The following KRTDAP variants were observed in gnomAD, a reference collection of about 807,000 sequenced individuals.
The protein encoded by KRTDAP is keratinocyte differentiation associated protein.
A neutral mutation model predicts 18.6 loss-of-function variants in KRTDAP; 14 were observed. The observed-to-expected ratio is 0.75, with a 90% CI of 0.50 to 1.18. The LOEUF (loss-of-function observed/expected upper bound fraction) is 1.18. Among genes scored for constraint, KRTDAP ranks in the 50% most tolerant of loss-of-function variants. The pLI, the probability that KRTDAP is intolerant of heterozygous loss-of-function variation, is 0.00. For missense variants in KRTDAP, 114 were observed against 121.3 expected (o/e 0.94, Z 0.28); for synonymous variants, 53 against 49.5 (o/e 1.07, Z -0.29).
At chr19:35,487,641 C>T in intron 5 of KRTDAP, 71 bp downstream of exon 5, 2 of 1,356,804 alleles carry the variant, frequency 1.5e-6, no homozygotes, top group Non-Finnish European at 2.1e-6. Context: ...TGTCCCCACT[C>T]TCTCTCCCAT....
intron 3 of KRTDAP, 27 bp downstream of exon 3, chr19:35,488,635 G>A (rs1392533193): frequency 6.2e-7 from 1 of 1,614,052 alleles, no homozygotes. Flanking sequence ...GGTATTCGTG[G>A]GGGTAGCACC....
At chr19:35,487,689 C>T in intron 5 of KRTDAP, 23 bp downstream of exon 5, 1 of 1,602,788 alleles carries the variant, frequency 6.2e-7, no homozygotes, top group Non-Finnish European at 8.5e-7. Flanking sequence ...GCTCCATACC[C>T]TCCTAATGCC....
Position 35,487,420 on chromosome 19 carries a change from G to A in KRTDAP, c.*8C>T. 1 of 1,613,462 alleles carries A rather than the reference G, an allele frequency of 6.2e-7. No homozygotes were observed. The highest frequency in any genetic ancestry group is 8.5e-7 in the Non-Finnish European group (1 of 1,179,344). ...CACGCTAGCCCCCTCTTCCAGTGGA[G>A]GTCATGGTCACTGGGCATCAGGAGT... is the stretch of plus-strand genomic sequence containing the variant. On this transcript the variant is annotated 3_prime_UTR_variant, in exon 6 of 6. Transcript: ENST00000338897.
At chr19:35,487,599 C>T in intron 5 of KRTDAP, 113 bp downstream of exon 5, 4 of 1,165,442 alleles carry the variant, frequency 3.4e-6, no homozygotes, top group Non-Finnish European at 5.1e-6. Context: ...GACCTCCCTT[C>T]AGTTTGGTGA....
chr19:35,487,905 CT>C, intron 4 of KRTDAP, 146 bp from the exon 5 acceptor site: 1 of 648,532 alleles, frequency 1.5e-6, no homozygotes, highest in South Asian at 1.8e-5. Context: ...CTAATATTTC[CT>C]GAGGCCTTAG....
intron 5 of KRTDAP, 106 bp downstream of exon 5, chr19:35,487,606 G>T: frequency 8.5e-7 from 1 of 1,183,254 alleles, no homozygotes. Context: ...CTTCAGTTTG[G>T]TGAGAAGGCT....
chr19:35,490,281 A>C, intron 1 of KRTDAP, 75 bp downstream of exon 1: 1 of 884,278 alleles, frequency 1.1e-6, no homozygotes, highest in Non-Finnish European at 1.7e-6. Flanking sequence ...TTATCCAGGA[A>C]TGGACAGGAG....
At chr19:35,488,371 A>G in intron 4 of KRTDAP, 70 bp downstream of exon 4, 1 of 1,517,790 alleles carries the variant, frequency 6.6e-7, no homozygotes. Context: ...ATTTAAAGCC[A>G]AAATGTGTGG....
chr19:35,487,419 A>G lies in KRTDAP; in HGVS notation c.*9T>C. ...TCACGCTAGCCCCCTCTTCCAGTGG[A>G]GGTCATGGTCACTGGGCATCAGGAG... On this transcript the variant is annotated 3_prime_UTR_variant, in exon 6 of 6. Transcript: ENST00000338897. The G allele has an allele frequency of 6.2e-7, 1 of 1,613,290 alleles. No homozygotes were observed.
chr19:35,490,127 G>A (rs554390948), intron 1 of KRTDAP, among the ~76,000 whole-genome samples: 11 of 152,232 alleles, frequency 7.2e-5, no homozygotes, highest in East Asian at 5.8e-4. Flanking sequence ...CAGTACACGA[G>A]CCTCCCCAAC....
At chr19:35,488,522 C>G in intron 3 of KRTDAP, 37 bp from the exon 4 acceptor site, 1 of 1,612,182 alleles carries the variant, frequency 6.2e-7, no homozygotes, top group Non-Finnish European at 8.5e-7. Flanking sequence ...CAGGTCAGCT[C>G]CAGGGGAGGC....
At chr19:35,488,350 C>T (rs369502595) in intron 4 of KRTDAP, 91 bp downstream of exon 4, 21 of 1,326,586 alleles carry the variant, frequency 1.6e-5, no homozygotes, top group Non-Finnish European at 2.2e-5. Context: ...AGATCAGGAA[C>T]CAACCCATAC....
intron 1 of KRTDAP, among the ~76,000 whole-genome samples, chr19:35,489,382 G>A (rs182177302): frequency 1.5e-4 from 23 of 152,330 alleles, no homozygotes; most frequent in African/African-American, 5.5e-4. Context: ...GCCCAACACG[G>A]AGCCCGCAGG....
intron 1 of KRTDAP, 92 bp downstream of exon 1, chr19:35,490,264 G>C: frequency 1.3e-6 from 1 of 761,656 alleles, no homozygotes; most frequent in East Asian, 2.6e-5. Context: ...CCAAAACTAA[G>C]AGCCACTTAT....
At position 35,490,398 on chromosome 19, in the gene KRTDAP, C is replaced by A; in HGVS notation, c.45G>T (p.Leu15=). The A allele has an allele frequency of 6.2e-7, 1 of 1,613,702 alleles. No individual in the cohort carries two copies. Among genetic ancestry groups the A allele is most frequent in the East Asian group, 2.2e-5 (1 of 44,868 alleles). ...TGGCTCCCTGGGCAGAGTGGAGCACCAGGAGGGAGAGGAGCACCACGGCAG... is the reference window on the plus strand; with the variant it reads ...TGGCTCCCTGGGCAGAGTGGAGCACAAGGAGGGAGAGGAGCACCACGGCAG... ...VLPAVVLLSL[L]VLHSAQGATL... The change falls in exon 1 of 6, where the codon CTG becomes CTT. Residue 15 remains leucine (L), a synonymous_variant. Coordinates refer to ENST00000338897, the MANE Select transcript of KRTDAP (RefSeq NM_207392.3).
Position 35,487,693 on chromosome 19 carries a change from TA to T in KRTDAP, c.261+18del, listed in dbSNP as rs2067498919. 1 of 1,606,134 alleles carries T rather than the reference TA, an allele frequency of 6.2e-7. No individual in the cohort carries two copies. Among genetic ancestry groups the T allele is most frequent in the Non-Finnish European group, 8.5e-7 (1 of 1,172,792 alleles). ...CTTACCCCCAAGCTCCATACCCTCCTAATGCCCACACCTCTTACCTTAGGAA... is the reference window on the plus strand; with the variant it reads ...CTTACCCCCAAGCTCCATACCCTCCTATGCCCACACCTCTTACCTTAGGAA... On this transcript the variant is annotated intron_variant, in intron 5 of 5. Coordinates refer to ENST00000338897, the MANE Select transcript of KRTDAP (RefSeq NM_207392.3).
In KRTDAP at chr19:35,488,647, G is replaced by A. The variant is rs752957291; in HGVS notation, c.168+15C>T. 1.2e-6 allele frequency: 2 copies of A among 1,614,196 alleles called. No individual in the cohort carries two copies. The highest frequency in any genetic ancestry group is 3.3e-5 in the Admixed American group (2 of 60,032). Reference sequence around the variant, plus strand: ...GAGGGTATTCGTGGGGGTAGCACCAGAGAAGCGTACTCACAGATCGCAATT... The same window carrying A: ...GAGGGTATTCGTGGGGGTAGCACCAAAGAAGCGTACTCACAGATCGCAATT... On this transcript the variant is annotated intron_variant, in intron 3 of 5. Coordinates refer to ENST00000338897, the MANE Select transcript of KRTDAP (RefSeq NM_207392.3).
In KRTDAP at chr19:35,488,817, A is replaced by G. The variant is rs369197561; in HGVS notation, c.111T>C (p.Tyr37=). The G allele has an allele frequency of 1.3e-5, 21 of 1,614,040 alleles. No homozygotes were observed. Among genetic ancestry groups the G allele is most frequent in the Middle Eastern group, 1.6e-4 (1 of 6,084 alleles). The change falls in exon 2 of 6, where the codon TAT becomes TAC. Residue 37 remains tyrosine (Y), a synonymous_variant. Coordinates refer to ENST00000338897, the MANE Select transcript of KRTDAP (RefSeq NM_207392.3). ...GPEEESTIEN[Y]ASRPEAFNTP... is the part of the protein sequence containing the mutation. ...GACGGCTTACCTCGGGTCGTGACGC[A>G]TAATTCTCAATGGTGCTTTCTTCCT...
chr19:35,487,681 T>C, intron 5 of KRTDAP, 31 bp downstream of exon 5: 1 of 1,591,462 alleles, frequency 6.3e-7, no homozygotes, highest in Non-Finnish European at 8.6e-7. Flanking sequence ...ACCCCCAAGC[T>C]CCATACCCTC....
Sources: gnomAD v4.1 joint callset for allele counts (sites outside exome capture counted in the v4.1 genomes callset) on GRCh38, gnomAD v4.1.1 for gene constraint, MANE v1.5 for transcripts, NCBI Gene and HGNC (gene_info 2026-07-23, HGNC 2026-07-21) for gene names.